KCTD10: variants seen among roughly 807,000 people sequenced by gnomAD.
KCTD10 encodes potassium channel tetramerization domain containing 10.
KCTD10 carries 13 observed loss-of-function variants against 34.6 expected under a neutral mutation model. The observed-to-expected ratio is 0.38, with a 90% CI of 0.24 to 0.60. KCTD10 has a LOEUF of 0.60. Among genes scored for constraint, KCTD10 ranks in the 20% least tolerant of loss-of-function variants. The probability of loss-of-function intolerance (pLI) is 0.66; values close to 1 mark genes in which losing one functional copy is unlikely to be tolerated. For missense variants in KCTD10, 256 were observed against 420.3 expected, an observed-to-expected ratio of 0.61 and a Z score of 3.42; for synonymous variants, 156 against 168.8, an observed-to-expected ratio of 0.92 and a Z score of 0.59.
At chr12:109,457,807 G>A in intron 4 of KCTD10, 125 bp from the exon 5 acceptor site, 7 of 1,132,178 alleles carry the variant, frequency 6.2e-6, no homozygotes, top group Non-Finnish European at 9.4e-6. Flanking sequence ...TAGCTTGCTG[G>A]CTGGAGAGGG....
At chr12:109,453,190 T>C (rs1052021718) in intron 6 of KCTD10, among the ~76,000 whole-genome samples, 1 of 152,108 alleles carries the variant, frequency 6.6e-6, no homozygotes, top group African/African-American at 2.4e-5. Context: ...CCTCCCCAAG[T>C]AGTTGAGACT....
intron 2 of KCTD10, among the ~76,000 whole-genome samples, chr12:109,466,825 C>A (rs1308310989): frequency 6.6e-6 from 1 of 152,250 alleles, no homozygotes; most frequent in Non-Finnish European, 1.5e-5. Flanking sequence ...GGCATTTCTG[C>A]CTATTTGTAG....
At chr12:109,461,523 G>A (rs1056608255) in intron 2 of KCTD10, among the ~76,000 whole-genome samples, 2 of 152,112 alleles carry the variant, frequency 1.3e-5, no homozygotes, top group Non-Finnish European at 2.9e-5. Flanking sequence ...TGGGGGTGGG[G>A]GCCAGGAAGA....
chr12:109,466,719 G>A (rs1480207452), intron 2 of KCTD10, among the ~76,000 whole-genome samples: 1 of 152,210 alleles, frequency 6.6e-6, no homozygotes, highest in African/African-American at 2.4e-5. Context: ...ACTTTCTTGG[G>A]CAACATGACA....
At chr12:109,470,060 G>A in intron 1 of KCTD10, 1 of 1,133,728 alleles carries the variant, frequency 8.8e-7, no homozygotes, top group South Asian at 2.7e-5. Context: ...GACCCTGCAG[G>A]CACAAGGGTG....
intron 2 of KCTD10, chr12:109,464,894 A>G: frequency 2.2e-6 from 1 of 454,578 alleles, no homozygotes; most frequent in Non-Finnish European, 4.4e-6. Context: ...TGCAATATCT[A>G]AGGAAGTAGA....
At chr12:109,457,885 A>G in intron 4 of KCTD10, 107 bp downstream of exon 4, 1 of 1,077,060 alleles carries the variant, frequency 9.3e-7, no homozygotes, top group Non-Finnish European at 1.4e-6. Context: ...ACCCATTATC[A>G]GGCCTCACTC....
chr12:109,457,986 A>C lies in KCTD10; in HGVS notation c.474+6T>G. 1 of 1,610,570 alleles carries C rather than the reference A, an allele frequency of 6.2e-7. No homozygotes were observed. Among genetic ancestry groups the C allele is most frequent in the Non-Finnish European group, 8.5e-7 (1 of 1,176,720 alleles). On this transcript the variant is annotated splice_donor_region_variant and intron_variant, in intron 4 of 6. Coordinates refer to ENST00000228495, the MANE Select transcript of KCTD10 (RefSeq NM_031954.5). ...AAGAAATTCCACAAGGGTGCCTCCA[A>C]CATACCTTATTTGAAGTCGCTATAA...
chr12:109,457,338 T>C (rs1073780), intron 5 of KCTD10: 39,975 of 282,774 alleles, frequency 0.14, 3,315 homozygotes, highest in Middle Eastern at 0.19. Flanking sequence ...TTTCAGGCAG[T>C]GAAAAAGTTC....
intron 1 of KCTD10, among the ~76,000 whole-genome samples, chr12:109,476,113 C>T (rs1418459304): frequency 6.6e-6 from 1 of 152,140 alleles, no homozygotes; most frequent in Non-Finnish European, 1.5e-5. Context: ...TTGTTAAAAC[C>T]GATAGATGGG....
chr12:109,450,188 C>T lies in KCTD10; in HGVS notation c.*1407G>A, dbSNP rs535392820. The T allele has an allele frequency of 4.5e-5, 18 of 398,570 alleles. No homozygotes were observed. The highest frequency in any genetic ancestry group is 1.3e-3 in the Middle Eastern group (2 of 1,588). 24.7% of individuals were successfully genotyped at this position (398,570 alleles called of 1,614,324 possible). A position where few individuals can be genotyped will look rare whatever the true frequency, so the allele number is the denominator to read the frequency against. ...CTTGACAAACCCATCCATCACCTGA[C>T]GCACATTCACATCTCCTGGTAACTA... On this transcript the variant is annotated 3_prime_UTR_variant, in exon 7 of 7. Coordinates refer to ENST00000228495, the MANE Select transcript of KCTD10 (RefSeq NM_031954.5).
In KCTD10 at chr12:109,458,053, C is replaced by A; in HGVS notation, c.413G>T (p.Cys138Phe). ...LQNKDTYEPF[C>F]KVPVITSSKE... is the part of the protein sequence containing the mutation. ...GGATGAGGTGATCACAGGGACCTTG[C>A]AGAAAGGCTCATAAGTATCTTTGTT... Residue 138 changes from cysteine (C) to phenylalanine (F), a missense_variant, in exon 4 of 7, where the codon TGC becomes TTC. Physicochemically the swap from Cys to Phe is radical, Grantham distance 205. Transcript: ENST00000228495. 6.2e-7 allele frequency: 1 copy of A among 1,614,136 alleles called. No homozygotes were observed. The highest frequency in any genetic ancestry group is 8.5e-7 in the Non-Finnish European group (1 of 1,179,970).
At position 109,460,836 on chromosome 12, in the gene KCTD10, A is replaced by G; in HGVS notation, c.218-31T>C. ...GAGGGAGGAGGCAGGGGCTGGTTAC[A>G]TGGGCCCTCCTCTTGTGGGAGGCCC... On this transcript the variant is annotated intron_variant, in intron 2 of 6. Transcript: ENST00000228495. The surrounding 1 kb of genome is among the most constrained non-coding windows in gnomAD (Gnocchi z 4.5). 1 of 1,608,388 alleles carries G rather than the reference A, an allele frequency of 6.2e-7. No individual in the cohort carries two copies. Among genetic ancestry groups the G allele is most frequent in the Non-Finnish European group, 8.5e-7 (1 of 1,176,060 alleles).
At chr12:109,452,844 C>CTTTTTTTTTT (rs1872844332) in intron 6 of KCTD10, among the ~76,000 whole-genome samples, 117 of 64,262 alleles carry the variant, frequency 1.8e-3, no homozygotes, top group African/African-American at 0.011. Flanking sequence ...GGTTTTCTTT[C>CTTTTTTTTTT]CTTTTTTTTT....
chr12:109,469,724 T>G lies in KCTD10; in HGVS notation c.8A>C (p.Glu3Ala). The change falls in exon 2 of 7, where the codon GAG (glutamate) becomes GCG (alanine). Residue 3 changes from glutamate to alanine, a missense_variant. This residue lies in a region of KCTD10 where 155 missense variants were observed against 207.0 expected (regional missense o/e 0.75). Coordinates refer to ENST00000228495, the MANE Select transcript of KCTD10 (RefSeq NM_031954.5). Reference sequence around the variant, plus strand: ...GCTCACCACACTTTCTCCTGACATCTCTTCCTGCCAGTGGAGAGGATACAG... The same window carrying G: ...GCTCACCACACTTTCTCCTGACATCGCTTCCTGCCAGTGGAGAGGATACAG... Reference protein sequence around the residue: MEEMSGESVVSSA... With the variant: MEAMSGESVVSSA... 6.2e-7 allele frequency: 1 copy of G among 1,614,150 alleles called. No individual in the cohort carries two copies. Among genetic ancestry groups the G allele is most frequent in the Non-Finnish European group, 8.5e-7 (1 of 1,180,016 alleles).
At chr12:109,456,630 G>C (rs1873031986) in intron 5 of KCTD10, 1 of 410,036 alleles carries the variant, frequency 2.4e-6, no homozygotes, top group African/African-American at 2.0e-5. Context: ...GCACCAGGTG[G>C]AGGAGAGCAC....
Position 109,471,039 on chromosome 12 carries a change from AACCCAACTTTGCTTG to A in KCTD10, c.4-1326_4-1312del, listed in dbSNP as rs1411589592. 73 of 886,934 alleles carry A rather than the reference AACCCAACTTTGCTTG, an allele frequency of 8.2e-5. 1 individual carries two copies. The Middle Eastern group carries it at 1.8e-3, about 21-fold the overall frequency. The allele number at this position is 886,934 out of a possible 1,614,324, so 54.9% of individuals were successfully genotyped here. On this transcript the variant is annotated intron_variant, in intron 1 of 6. Transcript: ENST00000228495. ...CCCACCCCAATGCAACAAGGAAATA[AACCCAACTTTGCTTG>A]ACTACAGGTATGCTCCTCGTGCTTT...
chr12:109,450,184 C>G lies in KCTD10; in HGVS notation c.*1411G>C. The G allele has an allele frequency of 2.5e-6, 1 of 398,566 alleles. No homozygotes were observed. The highest frequency in any genetic ancestry group is 4.4e-6 in the Non-Finnish European group (1 of 226,050). 24.7% of individuals were successfully genotyped at this position (398,566 alleles called of 1,614,324 possible). A position where few individuals can be genotyped will look rare whatever the true frequency, so the allele number is the denominator to read the frequency against. On this transcript the variant is annotated 3_prime_UTR_variant, in exon 7 of 7. Coordinates refer to ENST00000228495, the MANE Select transcript of KCTD10 (RefSeq NM_031954.5). ...TTCCCTTGACAAACCCATCCATCACCTGACGCACATTCACATCTCCTGGTA... is the reference window on the plus strand; with the variant it reads ...TTCCCTTGACAAACCCATCCATCACGTGACGCACATTCACATCTCCTGGTA...
chr12:109,469,926 A>C, intron 1 of KCTD10, 198 bp from the exon 2 acceptor site: 1 of 1,288,404 alleles, frequency 7.8e-7, no homozygotes, highest in Non-Finnish European at 1.0e-6. Flanking sequence ...TCAGAGGCCA[A>C]CTGGGCTAGC....
Sources: gnomAD v4.1 joint callset for allele counts (sites outside exome capture counted in the v4.1 genomes callset) on GRCh38, gnomAD v4.1.1 for gene constraint, gnomAD v4.1.1 regional missense constraint, Gnocchi (gnomAD v3.1) non-coding constraint, MANE v1.5 for transcripts, NCBI Gene and HGNC (gene_info 2026-07-23, HGNC 2026-07-21) for gene names.